Variants in REPS2 observed in about 807,000 individuals in gnomAD.
REPS2 encodes RALBP1 associated Eps domain containing 2.
In REPS2, 23 loss-of-function variants were observed where a neutral mutation model predicts 53.6. The ratio of observed to expected loss-of-function variants is 0.43; its 90% CI spans 0.31 to 0.61. The LOEUF (loss-of-function observed/expected upper bound fraction) is 0.61. Among genes scored for constraint, REPS2 ranks in the 20% least tolerant of loss-of-function variants. The probability of loss-of-function intolerance (pLI) is 0.11; values close to 1 mark genes in which losing one functional copy is unlikely to be tolerated. For synonymous variants in REPS2, 238 were observed against 218.6 expected, an observed-to-expected ratio of 1.09 and a Z score of -0.78; for missense variants, 446 against 534.9, an observed-to-expected ratio of 0.83 and a Z score of 1.64.
intron 14 of REPS2, among the ~76,000 whole-genome samples, chrX:17,124,350 C>T (rs997037791): frequency 3.6e-5 from 4 of 112,277 alleles, no homozygotes; most frequent in Non-Finnish European, 7.5e-5. Context: ...AGATCCTGCC[C>T]TCCAGGTGCT....
intron 12 of REPS2, 116 bp downstream of exon 12, chrX:17,074,275 A>G: frequency 1.5e-6 from 1 of 676,797 alleles, no homozygotes; most frequent in Non-Finnish European, 2.3e-6. Context: ...TGTAAAGCTT[A>G]GGATATGAGC....
intron 1 of REPS2, among the ~76,000 whole-genome samples, chrX:17,004,034 C>T (rs1434506114): frequency 3.6e-5 from 4 of 111,564 alleles, no homozygotes; most frequent in Non-Finnish European, 7.5e-5. Context: ...TCTTGCCTTC[C>T]ACCTGAGAAA....
chrX:17,017,940 A>G (rs917103663), intron 2 of REPS2, among the ~76,000 whole-genome samples: 2 of 112,138 alleles, frequency 1.8e-5, no homozygotes, highest in South Asian at 7.3e-4. Context: ...AATGTTGATT[A>G]CATGTTGAAA....
chrX:17,101,694 A>G (rs891330839), intron 13 of REPS2, among the ~76,000 whole-genome samples: 1 of 112,354 alleles, frequency 8.9e-6, no homozygotes, highest in Non-Finnish European at 1.9e-5. Context: ...ACTGTTTCTA[A>G]TAACTCTCAA....
intron 13 of REPS2, among the ~76,000 whole-genome samples, chrX:17,103,014 A>C (rs1329365383): frequency 8.9e-6 from 1 of 112,397 alleles, no homozygotes; most frequent in African/African-American, 3.2e-5. Flanking sequence ...GGTACAATTC[A>C]GATGTTCTTG....
chrX:17,178,888 CAA>C, the REPS2 span, among the ~76,000 whole-genome samples: 17 of 65,304 alleles, frequency 2.6e-4, no homozygotes, highest in African/African-American at 2.3e-4. Flanking sequence ...GACTCGGTCT[CAA>C]AAAAAAAAAA....
intron 2 of REPS2, among the ~76,000 whole-genome samples, chrX:17,012,240 G>T (rs1057046151): frequency 9.1e-6 from 1 of 109,889 alleles, no homozygotes; most frequent in Non-Finnish European, 1.9e-5. Context: ...TTAGCTGGGC[G>T]TGGTGACACA....
At chrX:17,035,361 G>C (rs2061753229) in intron 5 of REPS2, among the ~76,000 whole-genome samples, 1 of 108,751 alleles carries the variant, frequency 9.2e-6, no homozygotes, top group Non-Finnish European at 1.9e-5. Context: ...GTTTGGGATG[G>C]GATTGAGTGA....
At chrX:17,161,889 A>G in the REPS2 span, among the ~76,000 whole-genome samples, 3 of 112,027 alleles carry the variant, frequency 2.7e-5, no homozygotes, top group South Asian at 1.1e-3. Context: ...CCAAGCATTC[A>G]TGGTTTTTAT....
In REPS2 at chrX:16,968,974, C is replaced by T. The variant is rs569846075; in HGVS notation, c.273+21840C>T. Among the ~76,000 whole-genome samples the T allele has an allele frequency of 4.6e-3, 498 of 108,495 alleles. 3 individuals are homozygous for T. Among genetic ancestry groups the T allele is most frequent in the Middle Eastern group, 0.015 (3 of 201 alleles). 94.2% of individuals were successfully genotyped at this position (108,495 alleles called of 115,157 possible). ...GGGGCCCCTCACTTCTCAGACGGGG[C>T]GGCTGCTGGGCTGAGGGGCTCCTCA... On this transcript the variant is annotated intron_variant, in intron 1 of 17. Coordinates refer to ENST00000357277, the MANE Select transcript of REPS2 (RefSeq NM_004726.3).
intron 7 of REPS2, among the ~76,000 whole-genome samples, chrX:17,053,488 C>G (rs978490090): frequency 2.7e-5 from 3 of 111,053 alleles, no homozygotes; most frequent in African/African-American, 9.8e-5. Flanking sequence ...AGCGATCCTC[C>G]TACCTCAGCC....
intron 1 of REPS2, among the ~76,000 whole-genome samples, chrX:16,993,878 G>A (rs2061192493): frequency 8.9e-6 from 1 of 112,732 alleles, no homozygotes; most frequent in South Asian, 3.6e-4. Flanking sequence ...CTTGCCTATG[G>A]CAAATCTAAG....
chrX:17,044,991 G>A (rs754928170), intron 5 of REPS2, among the ~76,000 whole-genome samples: 3 of 111,540 alleles, frequency 2.7e-5, no homozygotes, highest in Admixed American at 9.5e-5. Flanking sequence ...GTGCAATGGC[G>A]CGATCTCGGC....
Position 17,046,183 on chromosome X carries a change from C to G in REPS2, c.772-1164C>G, listed in dbSNP as rs1310040548. ...TATTTTTTTTTTTTTGAGACAGAGT[C>G]TCACTCTGTTGCCCAGGCTGGAGTG... On this transcript the variant is annotated intron_variant, in intron 5 of 17. Coordinates refer to ENST00000357277, the MANE Select transcript of REPS2 (RefSeq NM_004726.3). 2.9e-4 allele frequency among the ~76,000 whole-genome samples: 30 copies of G among 104,209 alleles called. 1 individual carries two copies. The highest frequency in any genetic ancestry group is 5.5e-4 in the Non-Finnish European group (28 of 50,949). The allele number at this position is 104,209 out of a possible 115,157, so 90.5% of individuals were successfully genotyped here.
intron 1 of REPS2, among the ~76,000 whole-genome samples, chrX:16,963,556 T>C (rs12557656): frequency 0.096 from 10,780 of 112,092 alleles, 488 homozygotes; most frequent in East Asian, 0.21. Context: ...TTTTTTTCTC[T>C]CTCAAAATGT....
intron 2 of REPS2, among the ~76,000 whole-genome samples, chrX:17,019,714 C>A (rs779485532): frequency 1.8e-5 from 2 of 111,157 alleles, no homozygotes; most frequent in East Asian, 5.6e-4. Context: ...GGAGTCCCAG[C>A]TACTTGGGAG....
chrX:17,059,342 A>C (rs1204354227), intron 8 of REPS2, among the ~76,000 whole-genome samples: 2 of 105,457 alleles, frequency 1.9e-5, no homozygotes, highest in East Asian at 5.9e-4. Flanking sequence ...CCTTTTTCCA[A>C]CTTTTTTCTA....
chrX:17,061,230 CCTTA>C (rs769175600), intron 8 of REPS2, among the ~76,000 whole-genome samples: 5 of 111,964 alleles, frequency 4.5e-5, no homozygotes, highest in African/African-American at 9.7e-5. Flanking sequence ...ACCAGTACTT[CCTTA>C]CTTACTTACT....
intron 1 of REPS2, among the ~76,000 whole-genome samples, chrX:16,979,781 C>T (rs1018012710): frequency 1.8e-5 from 2 of 109,954 alleles, no homozygotes; most frequent in African/African-American, 3.4e-5. Context: ...AAAGGTTTAT[C>T]CCTTAGGTTA....
Sources: allele counts gnomAD v4.1 joint callset (sites outside exome capture counted in the v4.1 genomes callset), GRCh38; gene constraint gnomAD v4.1.1; transcripts MANE v1.5; gene names NCBI Gene and HGNC (gene_info 2026-07-23, HGNC 2026-07-21).